Variants in ITGAE observed in about 807,000 individuals in gnomAD.
ITGAE encodes integrin alpha-E.
Under a neutral mutation model 136.5 loss-of-function variants are expected in ITGAE, and 99 were observed. The observed-to-expected ratio is 0.73, with a 90% CI of 0.62 to 0.86. The LOEUF (loss-of-function observed/expected upper bound fraction) is 0.86, where lower values mean the gene tolerates loss of function less well. Ranked by LOEUF, ITGAE falls within the 40% of genes least tolerant of loss-of-function variation. The probability of loss-of-function intolerance (pLI) is 0.00; values close to 1 mark genes in which losing one functional copy is unlikely to be tolerated. For missense variants in ITGAE, 1,447 were observed against 1,515.3 expected (o/e 0.95, Z 0.75); for synonymous variants, 613 against 591.8 (o/e 1.04, Z -0.52).
chr17:3,785,568 A>C (rs959718098), intron 1 of ITGAE, among the ~76,000 whole-genome samples: 2 of 151,300 alleles, frequency 1.3e-5, no homozygotes, highest in African/African-American at 4.8e-5. Context: ...AACTAGAAAA[A>C]TCTGAACCTC....
chr17:3,748,351 C>T (rs9901742), intron 16 of ITGAE, among the ~76,000 whole-genome samples: 78,992 of 151,660 alleles, frequency 0.52, 21,497 homozygotes, highest in Non-Finnish European at 0.61. Flanking sequence ...CTTGGGAGGC[C>T]GAGGCGGGAG....
At position 3,760,242 on chromosome 17, in the gene ITGAE, G is replaced by A; in HGVS notation, c.644C>T (p.Pro215Leu). 1 of 1,613,692 alleles carries A rather than the reference G, an allele frequency of 6.2e-7. No homozygotes were observed. Among genetic ancestry groups the A allele is most frequent in the Non-Finnish European group, 8.5e-7 (1 of 1,179,880 alleles). The change falls in exon 7 of 31, where the codon CCC becomes CTC. Residue 215 changes from proline (P) to leucine (L), a missense_variant. Coordinates refer to ENST00000263087, the MANE Select transcript of ITGAE (RefSeq NM_002208.5). ...GTCTTTGGCTCTCTGAAAGTCTGGG[G>A]GATCAATGCTTCCTGAGCCATCCAG... Reference protein sequence around the residue: ...IILDGSGSIDPPDFQRAKDFI... With the variant: ...IILDGSGSIDLPDFQRAKDFI...
chr17:3,725,021 G>A (rs768061514), intron 26 of ITGAE: 2 of 1,614,186 alleles, frequency 1.2e-6, no homozygotes, highest in South Asian at 2.2e-5. Context: ...GCCAAAAGCT[G>A]GGAAAAGATT....
Position 3,761,903 on chromosome 17 carries a change from T to A in ITGAE, c.315+12A>T. The A allele has an allele frequency of 1.9e-6, 3 of 1,612,990 alleles. No individual in the cohort carries two copies. The highest frequency in any genetic ancestry group is 2.5e-6 in the Non-Finnish European group (3 of 1,179,196). ...TCCCTAAGGCCCTCCCTCCTCTCGCTCCTGCACTCACCAAAACACCGTGGT... is the reference window on the plus strand; with the variant it reads ...TCCCTAAGGCCCTCCCTCCTCTCGCACCTGCACTCACCAAAACACCGTGGT... On this transcript the variant is annotated intron_variant, in intron 4 of 30. Coordinates refer to ENST00000263087, the MANE Select transcript of ITGAE (RefSeq NM_002208.5).
At chr17:3,765,531 A>G (rs530519645) in intron 2 of ITGAE, among the ~76,000 whole-genome samples, 4 of 152,116 alleles carry the variant, frequency 2.6e-5, no homozygotes, top group Non-Finnish European at 4.4e-5. Flanking sequence ...ATAATAAGAA[A>G]GTCTGCACCT....
At position 3,734,944 on chromosome 17, in the gene ITGAE, T is replaced by C; in HGVS notation, c.2528A>G (p.Glu843Gly). Residue 843 changes from glutamate (E) to glycine (G), a missense_variant, in exon 21 of 31, where the codon GAG becomes GGG. Physicochemically the swap from Glu to Gly is moderately conservative, Grantham distance 98 (BLOSUM62 -2). Transcript: ENST00000263087. ...LQLATTVSQQELVVGLTKELT... is the reference protein window; with the variant it reads ...LQLATTVSQQGLVVGLTKELT... Reference sequence around the variant, plus strand: ...CTCCTTTGTGAGACCCACCACCAACTCCTGCCTGCACAGGGTACAGATAAA... The same window carrying C: ...CTCCTTTGTGAGACCCACCACCAACCCCTGCCTGCACAGGGTACAGATAAA... The C allele has an allele frequency of 6.2e-7, 1 of 1,614,178 alleles. No individual in the cohort carries two copies. Among genetic ancestry groups the C allele is most frequent in the Non-Finnish European group, 8.5e-7 (1 of 1,180,032 alleles).
At chr17:3,755,087 C>G (rs975076997) in intron 12 of ITGAE, 30 bp downstream of exon 12, 2 of 1,568,506 alleles carry the variant, frequency 1.3e-6, no homozygotes, top group Non-Finnish European at 1.7e-6. Context: ...ATCAGGTGGC[C>G]CCGCCCTCAT....
chr17:3,765,475 T>C lies in ITGAE; in HGVS notation c.156-1515A>G, dbSNP rs528397837. On this transcript the variant is annotated intron_variant, in intron 2 of 30. Transcript: ENST00000263087. ...TTCCTCAACTCCTATCACTCTACAT[T>C]TTAATACATTATGAAATATATTCAC... 2.4e-4 allele frequency among the ~76,000 whole-genome samples: 36 copies of C among 152,156 alleles called. 1 individual carries two copies. The highest frequency in any genetic ancestry group is 6.7e-4 in the African/African-American group (28 of 41,518).
intron 21 of ITGAE, among the ~76,000 whole-genome samples, chr17:3,734,352 T>A (rs965936736): frequency 6.6e-6 from 1 of 152,172 alleles, no homozygotes; most frequent in Non-Finnish European, 1.5e-5. Context: ...GGATTACAGG[T>A]GTGAGCCACC....
At chr17:3,757,155 A>G (rs1234692297) in intron 9 of ITGAE, 21 bp from the exon 10 acceptor site, 2 of 1,611,652 alleles carry the variant, frequency 1.2e-6, no homozygotes, top group Non-Finnish European at 1.7e-6. Flanking sequence ...AGCCTGGGTC[A>G]GCGAGTCAGC....
Position 3,752,008 on chromosome 17 carries a change from G to A in ITGAE, c.1669-134C>T, listed in dbSNP as rs556637592. 2.8e-5 allele frequency: 21 copies of A among 759,820 alleles called. 2 individuals are homozygous for A. In the South Asian group the frequency reaches 3.6e-4, roughly 13 times the overall value. 47.1% of individuals were successfully genotyped at this position (759,820 alleles called of 1,614,324 possible). On this transcript the variant is annotated intron_variant, in intron 14 of 30. Coordinates refer to ENST00000263087, the MANE Select transcript of ITGAE (RefSeq NM_002208.5). ...CCCAGGATGCACGCTCGCTGGGCCG[G>A]TGGGTTCCCACTCCATTGCCACCCA... is the stretch of plus-strand genomic sequence containing the variant.
At chr17:3,768,288 C>A (rs2052345860) in intron 2 of ITGAE, among the ~76,000 whole-genome samples, 1 of 152,120 alleles carries the variant, frequency 6.6e-6, no homozygotes, top group Admixed American at 6.6e-5. Flanking sequence ...TCACACCTGG[C>A]AAATTTTCTT....
chr17:3,727,962 C>A lies in ITGAE; in HGVS notation c.3041G>T (p.Arg1014Leu), dbSNP rs748662940. Reference sequence around the variant, plus strand: ...CTTCACTGCTACAACCTGGAGACCTCGTAATTTGGTTGGGACGCAAATTTG... The same window carrying A: ...CTTCACTGCTACAACCTGGAGACCTAGTAATTTGGTTGGGACGCAAATTTG... ...QLQICVPTKLRGLQVVAVKKL... is the reference protein window; with the variant it reads ...QLQICVPTKLLGLQVVAVKKL... The change falls in exon 26 of 31, where the codon CGA becomes CTA. Residue 1014 changes from arginine to leucine, a missense_variant. Around this residue, in one of 3 missense-constraint regions of ITGAE, gnomAD observed 1,031 missense variants for 1,011.4 expected, o/e 1.02. Coordinates refer to ENST00000263087, the MANE Select transcript of ITGAE (RefSeq NM_002208.5). 10 of 1,614,104 alleles carry A rather than the reference C, an allele frequency of 6.2e-6. No homozygotes were observed. Among genetic ancestry groups the A allele is most frequent in the Non-Finnish European group, 7.6e-6 (9 of 1,179,972 alleles).
chr17:3,768,786 G>A (rs1472277699), intron 2 of ITGAE, among the ~76,000 whole-genome samples: 1 of 152,158 alleles, frequency 6.6e-6, no homozygotes, highest in Non-Finnish European at 1.5e-5. Flanking sequence ...GTCTCCCCAC[G>A]AGACAGTAGG....
chr17:3,771,094 A>G (rs1455224996), intron 2 of ITGAE, among the ~76,000 whole-genome samples: 1 of 147,124 alleles, frequency 6.8e-6, no homozygotes, highest in Admixed American at 6.8e-5. Flanking sequence ...ACTCTGAGGG[A>G]TTAAAAAAAA....
chr17:3,743,401 C>T, intron 19 of ITGAE, 88 bp downstream of exon 19: 1 of 1,439,516 alleles, frequency 6.9e-7, no homozygotes, highest in Middle Eastern at 1.8e-4. Context: ...TGCCTCCCAA[C>T]TCCACCATTC....
chr17:3,798,004 C>T lies in ITGAE; in HGVS notation c.34+3107G>A, dbSNP rs2053162653. On this transcript the variant is annotated intron_variant, in intron 1 of 30. Coordinates refer to ENST00000263087, the MANE Select transcript of ITGAE (RefSeq NM_002208.5). This position sits in a 1 kb window ranked among gnomAD's most constrained non-coding sequence, Gnocchi z 4.3. ...CCGGCACTCAGGTCCCCACGTTCCT[C>T]ACCACCTCCACCGTGGGCCTCTCGG... is the stretch of plus-strand genomic sequence containing the variant. Among the ~76,000 whole-genome samples, 1 of 152,224 alleles carries T rather than the reference C, an allele frequency of 6.6e-6. No homozygotes were observed. Among genetic ancestry groups the T allele is most frequent in the African/African-American group, 2.4e-5 (1 of 41,460 alleles).
chr17:3,729,105 G>C (rs2051283452), intron 24 of ITGAE, among the ~76,000 whole-genome samples: 1 of 152,002 alleles, frequency 6.6e-6, no homozygotes, highest in Non-Finnish European at 1.5e-5. Context: ...GCGCAGTTGG[G>C]GTGAGGTGGA....
At chr17:3,796,135 A>G (rs1302508907) in intron 1 of ITGAE, among the ~76,000 whole-genome samples, 355 of 20,346 alleles carry the variant, frequency 0.017, 8 homozygotes, top group Admixed American at 0.024. Context: ...GTGTGCATCC[A>G]TGTGTGTGCA....
Sources: gnomAD v4.1 joint callset for allele counts (sites outside exome capture counted in the v4.1 genomes callset) on GRCh38, gnomAD v4.1.1 for gene constraint, gnomAD v4.1.1 regional missense constraint, Gnocchi (gnomAD v3.1) non-coding constraint, MANE v1.5 for transcripts, NCBI Gene and HGNC (gene_info 2026-07-23, HGNC 2026-07-21) for gene names.